KLF8: variants seen among roughly 807,000 people sequenced by gnomAD.
The protein encoded by KLF8 is Krueppel-like factor 8.
Under a neutral mutation model 18.2 loss-of-function variants are expected in KLF8, and 10 were observed. The ratio of observed to expected loss-of-function variants is 0.55; its 90% CI spans 0.34 to 0.93. KLF8 has a LOEUF of 0.93. Ranked by LOEUF, KLF8 falls within the 40% of genes least tolerant of loss-of-function variation. The pLI, the probability that KLF8 is intolerant of heterozygous loss-of-function variation, is 0.02. For synonymous variants in KLF8, 109 were observed against 97.3 expected, an observed-to-expected ratio of 1.12 and a Z score of -0.71; for missense variants, 264 against 277.9, an observed-to-expected ratio of 0.95 and a Z score of 0.36.
chrX:56,179,557 C>T, the KLF8 span, among the ~76,000 whole-genome samples: 1 of 112,112 alleles, frequency 8.9e-6, no homozygotes, highest in Non-Finnish European at 1.9e-5. Flanking sequence ...GAGGGCATCC[C>T]TGTCTTGTGA....
At chrX:56,255,614 A>C (rs750010478) in intron 2 of KLF8, among the ~76,000 whole-genome samples, 3 of 112,133 alleles carry the variant, frequency 2.7e-5, no homozygotes, top group Non-Finnish European at 3.8e-5. Context: ...GGGATGTTGA[A>C]TTTTATCAAA....
At chrX:56,051,703 T>C in the KLF8 span, among the ~76,000 whole-genome samples, 3 of 109,647 alleles carry the variant, frequency 2.7e-5, no homozygotes, top group South Asian at 3.8e-4. Context: ...CCCTTAACAT[T>C]TTTTCCTTCA....
the KLF8 span, among the ~76,000 whole-genome samples, chrX:56,202,559 T>TCCCCCCCCCCCCCCCCCCCCC: frequency 7.9e-5 from 6 of 75,804 alleles, no homozygotes; most frequent in African/African-American, 1.4e-4. Flanking sequence ...CCATTAACCT[T>TCCCCCCCCCCCCCCCCCCCCC]CCCCCCCCCT....
the KLF8 span, among the ~76,000 whole-genome samples, chrX:56,154,033 C>T: frequency 9.0e-6 from 1 of 111,164 alleles, no homozygotes; most frequent in East Asian, 2.8e-4. Context: ...TCAATGCCAT[C>T]CCCATCAAGC....
the KLF8 span, among the ~76,000 whole-genome samples, chrX:56,189,083 A>G: frequency 1.8e-5 from 2 of 111,897 alleles, no homozygotes; most frequent in Non-Finnish European, 3.8e-5. Context: ...GTGAACAGGC[A>G]GCATACAAAA....
chrX:56,124,643 C>T, the KLF8 span, among the ~76,000 whole-genome samples: 1 of 111,707 alleles, frequency 9.0e-6, no homozygotes, highest in Non-Finnish European at 1.9e-5. Flanking sequence ...CAGTCTGTAT[C>T]AAGTCTCTGT....
At chrX:55,999,220 C>A in the KLF8 span, among the ~76,000 whole-genome samples, 1 of 98,191 alleles carries the variant, frequency 1.0e-5, no homozygotes, top group African/African-American at 3.8e-5. Flanking sequence ...TATTTCACTA[C>A]CATGCTTTTT....
At chrX:55,954,391 T>C in the KLF8 span, among the ~76,000 whole-genome samples, 6 of 111,884 alleles carry the variant, frequency 5.4e-5, no homozygotes, top group Admixed American at 9.5e-5. Context: ...ACAAAGGATT[T>C]GAATAAACAT....
At chrX:55,914,287 T>C in the KLF8 span, among the ~76,000 whole-genome samples, 1 of 111,965 alleles carries the variant, frequency 8.9e-6, no homozygotes, top group Non-Finnish European at 1.9e-5. Flanking sequence ...TCAATATATA[T>C]GCCATGAGAA....
the KLF8 span, among the ~76,000 whole-genome samples, chrX:55,912,047 T>C: frequency 8.9e-5 from 10 of 111,873 alleles, no homozygotes; most frequent in Non-Finnish European, 1.5e-4. Flanking sequence ...TAATGTGCAG[T>C]AAAGGTTGAG....
At chrX:55,987,426 C>T in the KLF8 span, among the ~76,000 whole-genome samples, 3 of 110,670 alleles carry the variant, frequency 2.7e-5, no homozygotes, top group East Asian at 2.8e-4. Context: ...GTTCAACTCC[C>T]ACCCATGAGG....
the KLF8 span, among the ~76,000 whole-genome samples, chrX:56,053,885 A>G: frequency 1.8e-5 from 2 of 109,709 alleles, no homozygotes; most frequent in Non-Finnish European, 3.8e-5. Context: ...GTTTATTTAG[A>G]TCTTCTCTCC....
the KLF8 span, among the ~76,000 whole-genome samples, chrX:56,147,410 T>C: frequency 8.9e-6 from 1 of 112,144 alleles, no homozygotes; most frequent in Non-Finnish European, 1.9e-5. Context: ...TGAAGTCTTA[T>C]ATATTTTAGA....
the KLF8 span, among the ~76,000 whole-genome samples, chrX:56,193,746 A>G: frequency 8.9e-6 from 1 of 111,778 alleles, no homozygotes; most frequent in Non-Finnish European, 1.9e-5. Context: ...GTTAAGGCTT[A>G]TTTATGGGAA....
the KLF8 span, among the ~76,000 whole-genome samples, chrX:56,109,421 A>T: frequency 2.7e-5 from 3 of 109,743 alleles, no homozygotes; most frequent in Non-Finnish European, 5.7e-5. Context: ...GATCGATTCT[A>T]TTCTGAAGAA....
At chrX:56,001,232 TTTC>T in the KLF8 span, among the ~76,000 whole-genome samples, 1 of 112,517 alleles carries the variant, frequency 8.9e-6, no homozygotes, top group South Asian at 3.7e-4. Context: ...CTCTGCATAC[TTTC>T]TTCCAGAATC....
intron 2 of KLF8, 29 bp from the exon 3 acceptor site, chrX:56,265,151 T>C (rs199885878): frequency 2.6e-6 from 3 of 1,161,151 alleles, no homozygotes; most frequent in Non-Finnish European, 3.5e-6. Flanking sequence ...CACTGACTTA[T>C]GCATCTCTCA....
chrX:56,266,232 C>A, intron 3 of KLF8: 1 of 753,639 alleles, frequency 1.3e-6, no homozygotes, highest in Non-Finnish European at 1.6e-6. Context: ...ACATACTTAG[C>A]CAGTATTAGC....
the KLF8 span, among the ~76,000 whole-genome samples, chrX:56,082,704 G>T: frequency 9.0e-6 from 1 of 110,862 alleles, no homozygotes; most frequent in East Asian, 2.8e-4. Context: ...TCCTTTTAAT[G>T]ATTTTTTGAG....
Sources: allele counts gnomAD v4.1 joint callset (sites outside exome capture counted in the v4.1 genomes callset), GRCh38; gene constraint gnomAD v4.1.1; transcripts MANE v1.5; gene names NCBI Gene and HGNC (gene_info 2026-07-23, HGNC 2026-07-21).